SPP1: variants seen among roughly 807,000 people sequenced by gnomAD.
SPP1 encodes the protein osteopontin.
A neutral mutation model predicts 20.8 loss-of-function variants in SPP1; 18 were observed. That is an observed-to-expected ratio of 0.87 (90% CI 0.60 to 1.29). SPP1 has a LOEUF of 1.29. Among genes scored for constraint, SPP1 ranks in the 50% most tolerant of loss-of-function variants. The pLI is 0.00. For synonymous variants in SPP1, 146 were observed against 141.5 expected, an observed-to-expected ratio of 1.03 and a Z score of -0.23; for missense variants, 363 against 389.0, an observed-to-expected ratio of 0.93 and a Z score of 0.56.
intron 3 of SPP1, chr4:87,977,702 T>C (rs751871902): frequency 7.9e-7 from 1 of 1,271,260 alleles, no homozygotes; most frequent in South Asian, 1.3e-5. Flanking sequence ...GATGAAACTG[T>C]GCCAGCCAAA....
At position 87,977,622 on chromosome 4, in the gene SPP1, A is replaced by G. The variant is rs1399403125; in HGVS notation, c.93+525A>G. 6.3e-6 allele frequency: 7 copies of G among 1,104,756 alleles called. No individual in the cohort carries two copies. The African/African-American group carries it at 8.3e-5, about 13-fold the overall frequency. The allele number at this position is 1,104,756 out of a possible 1,614,324, so 68.4% of individuals were successfully genotyped here. A position where few individuals can be genotyped will look rare whatever the true frequency, so the allele number is the denominator to read the frequency against. ...GTTAGATCACATTTTCTAACCAAAC[A>G]TAAGACCAACCAAACTCTTTATTAT... On this transcript the variant is annotated intron_variant, in intron 3 of 6. Coordinates refer to ENST00000395080, the MANE Select transcript of SPP1 (RefSeq NM_001040058.2).
Position 87,981,785 on chromosome 4 carries a change from G to A in SPP1, c.527G>A (p.Arg176Lys). The change falls in exon 6 of 7, where the codon AGA (arginine) becomes AAA (lysine). Residue 176 changes from arginine (R) to lysine (K), a missense_variant. Transcript: ENST00000395080. ...GLRSKSKKFRRPDIQYPDATD... is the reference protein window; with the variant it reads ...GLRSKSKKFRKPDIQYPDATD... The stretch of plus-strand genomic sequence containing the variant: ...AGGTCAAAATCTAAGAAGTTTCGCA[G>A]ACCTGACATCCAGGTAAATCCTTTA... 1 of 1,613,682 alleles carries A rather than the reference G, an allele frequency of 6.2e-7. No homozygotes were observed. The highest frequency in any genetic ancestry group is 8.5e-7 in the Non-Finnish European group (1 of 1,179,700).
intron 4 of SPP1, 110 bp from the exon 5 acceptor site, chr4:87,980,283 C>G (rs965553586): frequency 8.7e-6 from 13 of 1,500,708 alleles, no homozygotes; most frequent in Admixed American, 7.2e-5. Context: ...GTTAAGCCAT[C>G]CACAGATGAG....
intron 3 of SPP1, among the ~76,000 whole-genome samples, chr4:87,979,691 C>T (rs185333233): frequency 1.1e-4 from 16 of 152,268 alleles, no homozygotes; most frequent in African/African-American, 3.9e-4. Flanking sequence ...GTGTTAAGAG[C>T]TAGTTTGCCT....
chr4:87,976,753 CT>C (rs1725392667), intron 1 of SPP1, 128 bp from the exon 2 acceptor site: 16 of 601,372 alleles, frequency 2.7e-5, no homozygotes, highest in Non-Finnish European at 4.5e-5. Flanking sequence ...AAAGGCATCT[CT>C]AAGAAGTAGA....
At chr4:87,979,253 C>T (rs1424005602) in intron 3 of SPP1, among the ~76,000 whole-genome samples, 3 of 151,028 alleles carry the variant, frequency 2.0e-5, no homozygotes, top group Non-Finnish European at 2.9e-5. Flanking sequence ...CAAGCTCTGC[C>T]TCCTGGGTTC....
intron 6 of SPP1, 91 bp downstream of exon 6, chr4:87,981,889 T>C: frequency 9.0e-7 from 1 of 1,108,498 alleles, no homozygotes; most frequent in Non-Finnish European, 1.3e-6. Context: ...CATTCATCCA[T>C]TCATTCATCC....
At position 87,981,463 on chromosome 4, in the gene SPP1, C is replaced by T. The variant is rs764980169; in HGVS notation, c.217-12C>T. 3 of 1,608,236 alleles carry T rather than the reference C, an allele frequency of 1.9e-6. No homozygotes were observed. The highest frequency in any genetic ancestry group is 2.5e-6 in the Non-Finnish European group (3 of 1,176,812). Reference sequence around the variant, plus strand: ...CCCATATATTAATTTTCCCGGCCATCTTAATTTTCAGACCCTTCCAAGTAA... The same window carrying T: ...CCCATATATTAATTTTCCCGGCCATTTTAATTTTCAGACCCTTCCAAGTAA... On this transcript the variant is annotated splice_polypyrimidine_tract_variant and intron_variant, in intron 5 of 6. Transcript: ENST00000395080.
intron 5 of SPP1, chr4:87,980,654 T>C (rs1725603637): frequency 1.8e-6 from 1 of 551,652 alleles, no homozygotes; most frequent in Admixed American, 3.6e-5. Context: ...ATGCCTGTTA[T>C]TTGAAACATT....
At chr4:87,978,786 C>T (rs1014218855) in intron 3 of SPP1, among the ~76,000 whole-genome samples, 1 of 152,116 alleles carries the variant, frequency 6.6e-6, no homozygotes, top group Admixed American at 6.5e-5. Context: ...AGAGAAACTC[C>T]AAGTACTTCT....
At chr4:87,979,147 T>C (rs1296444188) in intron 3 of SPP1, among the ~76,000 whole-genome samples, 1 of 148,214 alleles carries the variant, frequency 6.7e-6, no homozygotes, top group Non-Finnish European at 1.5e-5. Context: ...ACTGAGGAAC[T>C]GAATTTTTAT....
chr4:87,978,498 C>T (rs1176586095), intron 3 of SPP1, among the ~76,000 whole-genome samples: 1 of 151,044 alleles, frequency 6.6e-6, no homozygotes, highest in African/African-American at 2.4e-5. Flanking sequence ...CAGGTTCACC[C>T]CATTCTCCTG....
chr4:87,980,035 C>G lies in SPP1; in HGVS notation c.94-11C>G. 6.2e-7 allele frequency: 1 copy of G among 1,612,492 alleles called. No individual in the cohort carries two copies. The highest frequency in any genetic ancestry group is 8.5e-7 in the Non-Finnish European group (1 of 1,179,574). ...TTTTTTAATAATGATAAACATGCAA[C>G]TTTTTTGTAGCTTTACAACAAATAC... is the stretch of plus-strand genomic sequence containing the variant. On this transcript the variant is annotated splice_polypyrimidine_tract_variant and intron_variant, in intron 3 of 6. Coordinates refer to ENST00000395080, the MANE Select transcript of SPP1 (RefSeq NM_001040058.2).
chr4:87,980,134 T>C lies in SPP1; in HGVS notation c.174+8T>C. The C allele has an allele frequency of 6.2e-7, 1 of 1,614,074 alleles. No individual in the cohort carries two copies. Among genetic ancestry groups the C allele is most frequent in the East Asian group, 2.2e-5 (1 of 44,874 alleles). The stretch of plus-strand genomic sequence containing the variant: ...AATCTCCTAGCCCCACAGGTATTTT[T>C]AAACTTCTCATAATTAAACTACAGT... On this transcript the variant is annotated splice_region_variant and intron_variant, in intron 4 of 6. Transcript: ENST00000395080.
At position 87,982,747 on chromosome 4, in the gene SPP1, C is replaced by T. The variant is rs146563765; in HGVS notation, c.796C>T (p.Leu266Phe). 1.1e-3 allele frequency: 1,761 copies of T among 1,614,134 alleles called. 5 individuals carry two copies. The highest frequency in any genetic ancestry group is 1.5e-3 in the Admixed American group (89 of 60,020). Reference protein sequence around the residue: ...EHSDVIDSQELSKVSREFHSH... With the variant: ...EHSDVIDSQEFSKVSREFHSH... Reference sequence around the variant, plus strand: ...TTCCGATGTGATTGATAGTCAGGAACTTTCCAAAGTCAGCCGTGAATTCCA... The same window carrying T: ...TTCCGATGTGATTGATAGTCAGGAATTTTCCAAAGTCAGCCGTGAATTCCA... Residue 266 changes from leucine to phenylalanine, a missense_variant, in exon 7 of 7, where the codon CTT (leucine) becomes TTT (phenylalanine). Coordinates refer to ENST00000395080, the MANE Select transcript of SPP1 (RefSeq NM_001040058.2).
chr4:87,983,042 T>A lies in SPP1; in HGVS notation c.*146T>A. 1.2e-6 allele frequency: 1 copy of A among 837,012 alleles called. No individual in the cohort carries two copies. Among genetic ancestry groups the A allele is most frequent in the Non-Finnish European group, 1.8e-6 (1 of 560,128 alleles). The allele number at this position is 837,012 out of a possible 1,614,324, so 51.8% of individuals were successfully genotyped here. ...TGAGTCTGGAAATAACTAATGTGTT[T>A]GATAATTAGTTTAGTTTGTGGCTTC... On this transcript the variant is annotated 3_prime_UTR_variant, in exon 7 of 7. Coordinates refer to ENST00000395080, the MANE Select transcript of SPP1 (RefSeq NM_001040058.2).
intron 6 of SPP1, 29 bp from the exon 7 acceptor site, chr4:87,982,463 A>G: frequency 6.2e-7 from 1 of 1,600,636 alleles, no homozygotes; most frequent in Non-Finnish European, 8.5e-7. Flanking sequence ...CCGTTCATAT[A>G]ATTATTCTTC....
chr4:87,981,855 C>G lies in SPP1; in HGVS notation c.540+57C>G, dbSNP rs6812778. 4.4e-3 allele frequency: 6,451 copies of G among 1,453,194 alleles called. 231 individuals carry two copies. The African/African-American group carries it at 0.078, about 17-fold the overall frequency. 90.0% of individuals were successfully genotyped at this position (1,453,194 alleles called of 1,614,324 possible). On this transcript the variant is annotated intron_variant, in intron 6 of 6. Transcript: ENST00000395080. ...CTGACTAGCGCTCAAGTCTAGGAAA[C>G]CACAGTTTGCATATTCATTCATTCA...
At chr4:87,981,886 CCATT>C (rs1725665506) in intron 6 of SPP1, 88 bp downstream of exon 6, 2 of 1,114,808 alleles carry the variant, frequency 1.8e-6, no homozygotes, top group East Asian at 2.4e-5. Context: ...ATTCATTCAT[CCATT>C]CATTCATCCA....
Sources: gnomAD v4.1 joint callset for allele counts (sites outside exome capture counted in the v4.1 genomes callset) on GRCh38, gnomAD v4.1.1 for gene constraint, MANE v1.5 for transcripts, NCBI Gene and HGNC (gene_info 2026-07-23, HGNC 2026-07-21) for gene names.